REPS2: variants seen among roughly 807,000 people sequenced by gnomAD.
REPS2 encodes the protein ralBP1-associated Eps domain-containing protein 2.
Under a neutral mutation model 53.6 loss-of-function variants are expected in REPS2, and 23 were observed. The ratio of observed to expected loss-of-function variants is 0.43; its 90% confidence interval spans 0.31 to 0.61. The LOEUF (loss-of-function observed/expected upper bound fraction) is 0.61. Among genes scored for constraint, REPS2 ranks in the 20% least tolerant of loss-of-function variants. REPS2 has a pLI of 0.11. For missense variants in REPS2, 446 were observed against 534.9 expected, an observed-to-expected ratio of 0.83 and a Z score of 1.64; for synonymous variants, 238 against 218.6, an observed-to-expected ratio of 1.09 and a Z score of -0.78.
intron 13 of REPS2, chrX:17,100,118 C>T (rs2062766590): frequency 1.1e-6 from 1 of 885,575 alleles, no homozygotes; most frequent in African/African-American, 1.9e-5. Flanking sequence ...TCTGTGACGG[C>T]AGAAACTCAT....
rs2063575835 is a variant in REPS2 at position 17,152,183 on chromosome X, A to C, written c.*4702A>C. On this transcript the variant is annotated 3_prime_UTR_variant, in exon 18 of 18. Coordinates refer to ENST00000357277, the MANE Select transcript of REPS2 (RefSeq NM_004726.3). ...ATTCGAAGAGCTGTTGCCCTCTTCTAAAAAAGGCTTTTGGAGGCTGTGTTA... is the reference window on the plus strand; with the variant it reads ...ATTCGAAGAGCTGTTGCCCTCTTCTCAAAAAGGCTTTTGGAGGCTGTGTTA... 1 of 112,200 alleles carries C rather than the reference A, an allele frequency of 8.9e-6. No individual in the cohort carries two copies. The highest frequency in any genetic ancestry group is 2.8e-4 in the East Asian group (1 of 3,592). The allele number at this position is 112,200 out of a possible 1,213,427, so 9.2% of individuals were successfully genotyped here. A position where few individuals can be genotyped will look rare whatever the true frequency, so the allele number is the denominator to read the frequency against.
At chrX:17,179,755 A>G in the REPS2 span, among the ~76,000 whole-genome samples, 1 of 111,819 alleles carries the variant, frequency 8.9e-6, no homozygotes, top group East Asian at 2.8e-4. Flanking sequence ...TATAGATATA[A>G]CATCATCAGT....
intron 9 of REPS2, among the ~76,000 whole-genome samples, chrX:17,068,119 C>T (rs1299178371): frequency 9.0e-6 from 1 of 110,645 alleles, no homozygotes; most frequent in Admixed American, 9.6e-5. Flanking sequence ...GGAGACCATC[C>T]TGGCTAACAC....
chrX:17,141,297 T>C (rs759450402), intron 17 of REPS2, among the ~76,000 whole-genome samples: 2 of 112,290 alleles, frequency 1.8e-5, no homozygotes, highest in Admixed American at 9.4e-5. Flanking sequence ...TTACAACTTA[T>C]ACTTCTTGTA....
intron 12 of REPS2, among the ~76,000 whole-genome samples, chrX:17,075,398 A>G (rs2062366155): frequency 1.8e-5 from 2 of 112,453 alleles, no homozygotes; most frequent in Admixed American, 1.9e-4. Context: ...TCTGTTATTA[A>G]TGTGTCTGGC....
chrX:17,090,974 C>T (rs2062609434), intron 13 of REPS2, among the ~76,000 whole-genome samples: 1 of 112,117 alleles, frequency 8.9e-6, no homozygotes, highest in Non-Finnish European at 1.9e-5. Context: ...CACTATTTGT[C>T]AAAAAATACT....
At chrX:17,177,629 C>T in the REPS2 span, among the ~76,000 whole-genome samples, 1 of 111,530 alleles carries the variant, frequency 9.0e-6, no homozygotes, top group Non-Finnish European at 1.9e-5. Context: ...TTCTGCTCCC[C>T]TCCAATCAAT....
intron 1 of REPS2, among the ~76,000 whole-genome samples, chrX:16,966,411 A>T (rs2060769131): frequency 8.9e-6 from 1 of 112,191 alleles, no homozygotes; most frequent in Non-Finnish European, 1.9e-5. Context: ...GGATTTTTTC[A>T]GACTTTGGAA....
intron 3 of REPS2, 109 bp downstream of exon 3, chrX:17,022,380 A>G: frequency 1.3e-6 from 1 of 745,534 alleles, no homozygotes; most frequent in Non-Finnish European, 1.9e-6. Flanking sequence ...TCTGGAACCC[A>G]ATTACAGACT....
intron 13 of REPS2, among the ~76,000 whole-genome samples, chrX:17,087,953 GATAGATAGATAGAT>G (rs2062561950): frequency 9.3e-6 from 1 of 107,822 alleles, no homozygotes; most frequent in African/African-American, 3.4e-5. Context: ...TAGATAGATA[GATAGATAGATAGAT>G]AGATAGATAG....
rs190039840 is a variant in REPS2 at position 17,134,242 on chromosome X, A to G, written c.1662+335A>G. ...ATCCACCTGCTAAGCCTCTGTGAAT[A>G]CCTCTTGGGGTGGGGTAGTCTCTCC... On this transcript the variant is annotated intron_variant, in intron 15 of 17. Coordinates refer to ENST00000357277, the MANE Select transcript of REPS2 (RefSeq NM_004726.3). Among the ~76,000 whole-genome samples, 68 of 111,589 alleles carry G rather than the reference A, an allele frequency of 6.1e-4. 1 individual carries two copies. Among genetic ancestry groups the G allele is most frequent in the Admixed American group, 3.5e-3 (37 of 10,568 alleles).
At chrX:16,967,505 T>A (rs761933994) in intron 1 of REPS2, among the ~76,000 whole-genome samples, 1 of 110,227 alleles carries the variant, frequency 9.1e-6, no homozygotes, top group Non-Finnish European at 1.9e-5. Context: ...GAGACCTAGC[T>A]CTGCAAAAAT....
intron 13 of REPS2, among the ~76,000 whole-genome samples, chrX:17,078,893 A>G (rs903773195): frequency 1.2e-4 from 13 of 112,353 alleles, no homozygotes; most frequent in African/African-American, 4.2e-4. Flanking sequence ...ATGTTTATGC[A>G]TCTCAGATTC....
At chrX:17,085,585 C>G (rs1426878127) in intron 13 of REPS2, among the ~76,000 whole-genome samples, 1 of 111,936 alleles carries the variant, frequency 8.9e-6, no homozygotes, top group African/African-American at 3.2e-5. Context: ...TCTTGCATTT[C>G]TTTTGTTAAA....
chrX:17,012,310 C>T (rs111504717), intron 2 of REPS2, among the ~76,000 whole-genome samples: 1 of 109,485 alleles, frequency 9.1e-6, no homozygotes, highest in African/African-American at 3.3e-5. Flanking sequence ...ACCCGGGAGG[C>T]GGAGGTTGCA....
At chrX:17,069,749 A>G (rs1441641637) in intron 10 of REPS2, among the ~76,000 whole-genome samples, 191 bp from the exon 11 acceptor site, 2 of 111,735 alleles carry the variant, frequency 1.8e-5, no homozygotes, top group African/African-American at 6.5e-5. Context: ...ACCTATTTCC[A>G]TACTCCAGGA....
intron 13 of REPS2, among the ~76,000 whole-genome samples, chrX:17,088,588 CTT>C (rs137985831): frequency 6.2e-4 from 58 of 94,063 alleles, no homozygotes; most frequent in African/African-American, 1.3e-3. Flanking sequence ...TCTTTCTTTC[CTT>C]TTTTTTTTTT....
At chrX:17,060,755 G>C (rs930049460) in intron 8 of REPS2, among the ~76,000 whole-genome samples, 2 of 111,178 alleles carry the variant, frequency 1.8e-5, no homozygotes, top group African/African-American at 3.3e-5. Flanking sequence ...GGGGTAGAGA[G>C]GCTGGGTTGA....
chrX:17,183,876 C>G, the REPS2 span, among the ~76,000 whole-genome samples: 2 of 112,010 alleles, frequency 1.8e-5, no homozygotes, highest in Admixed American at 1.9e-4. Flanking sequence ...ACACACCTAA[C>G]AGGGTTTGAC....
Sources: gnomAD v4.1 joint callset for allele counts (sites outside exome capture counted in the v4.1 genomes callset) on GRCh38, gnomAD v4.1.1 for gene constraint, MANE v1.5 for transcripts, NCBI Gene and HGNC (gene_info 2026-07-23, HGNC 2026-07-21) for gene names.